The following WNT6 variants were observed in gnomAD, a reference collection of about 807,000 sequenced individuals.
The protein encoded by WNT6 is Wnt family member 6.
WNT6 carries 27 observed loss-of-function variants against 33.1 expected under a neutral mutation model. The ratio of observed to expected loss-of-function variants is 0.82; its 90% CI spans 0.60 to 1.12. The LOEUF is 1.12. WNT6 is among the 50% of genes most tolerant of loss of function. The probability of loss-of-function intolerance (pLI) is 0.00; values close to 1 mark genes in which losing one functional copy is unlikely to be tolerated. For synonymous variants in WNT6, 249 were observed against 242.8 expected (o/e 1.03, Z -0.24); for missense variants, 494 against 535.3 (o/e 0.92, Z 0.76).
chr2:218,874,057 TC>T lies in WNT6; in HGVS notation c.*213del. ...GCGCCAGACGGCCCCGAAAAGGCGC[TC>T]GGGGAGCGTTTAAAGGACACTGTAC... On this transcript the variant is annotated 3_prime_UTR_variant, in exon 4 of 4. Transcript: ENST00000233948. 1.8e-6 allele frequency: 1 copy of T among 561,574 alleles called. No individual in the cohort carries two copies. The highest frequency in any genetic ancestry group is 3.0e-6 in the Non-Finnish European group (1 of 334,870). The allele number at this position is 561,574 out of a possible 1,614,324, so 34.8% of individuals were successfully genotyped here.
intron 1 of WNT6, among the ~76,000 whole-genome samples, chr2:218,870,291 T>C (rs1013813656): frequency 6.6e-6 from 1 of 151,786 alleles, no homozygotes; most frequent in Admixed American, 6.6e-5. Flanking sequence ...TGTCACCTAC[T>C]TTCCAACAAT....
chr2:218,871,356 T>C lies in WNT6; in HGVS notation c.301+109T>C, dbSNP rs1325258352. On this transcript the variant is annotated intron_variant, in intron 2 of 3. Coordinates refer to ENST00000233948, the MANE Select transcript of WNT6 (RefSeq NM_006522.4). This position sits in a 1 kb window ranked among gnomAD's most constrained non-coding sequence, Gnocchi z 6.4. The stretch of plus-strand genomic sequence containing the variant: ...GCCTGAGCCCCACTTCCCCCTCACA[T>C]GTGTCTGGGCACCCTGCAAGGACCC... The C allele has an allele frequency of 1.1e-5, 16 of 1,480,110 alleles. No individual in the cohort carries two copies. In the Admixed American group the frequency reaches 1.9e-4, roughly 17 times the overall value. 91.7% of individuals were successfully genotyped at this position (1,480,110 alleles called of 1,614,324 possible). A position where few individuals can be genotyped will look rare whatever the true frequency, so the allele number is the denominator to read the frequency against.
chr2:218,864,360 A>T (rs1036179516), intron 1 of WNT6, among the ~76,000 whole-genome samples: 1 of 152,092 alleles, frequency 6.6e-6, no homozygotes, highest in Non-Finnish European at 1.5e-5. Context: ...CCCGGGTTCA[A>T]GTGATTCTCC....
Position 218,871,001 on chromosome 2 carries a change from CT to C in WNT6, c.81-25del, listed in dbSNP as rs774674359. ...CCAAGCCCTTTTTTGGGTTACACCC[CT>C]GACCTGCTATTCTCTGCTTTCCAGG... On this transcript the variant is annotated intron_variant, in intron 1 of 3. Coordinates refer to ENST00000233948, the MANE Select transcript of WNT6 (RefSeq NM_006522.4). The surrounding 1 kb of genome is among the most constrained non-coding windows in gnomAD (Gnocchi z 6.4). 21 of 1,575,446 alleles carry C rather than the reference CT, an allele frequency of 1.3e-5. No homozygotes were observed. Among genetic ancestry groups the C allele is most frequent in the Non-Finnish European group, 1.4e-5 (16 of 1,156,336 alleles).
At chr2:218,860,822 C>G (rs113789188) in intron 1 of WNT6, among the ~76,000 whole-genome samples, 32 of 146,766 alleles carry the variant, frequency 2.2e-4, no homozygotes, top group Non-Finnish European at 3.9e-4. Context: ...GGCGTCTTCC[C>G]AGGCTTGGCC....
chr2:218,864,248 T>TTTTTC (rs944455473), intron 1 of WNT6, among the ~76,000 whole-genome samples: 4 of 152,140 alleles, frequency 2.6e-5, no homozygotes, highest in South Asian at 2.1e-4. Context: ...TTCCTCTGTT[T>TTTTTC]TTTTCTTTTC....
chr2:218,874,145 C>G lies in WNT6; in HGVS notation c.*300C>G. The G allele has an allele frequency of 2.6e-6, 1 of 391,512 alleles. No individual in the cohort carries two copies. Among genetic ancestry groups the G allele is most frequent in the Non-Finnish European group, 4.5e-6 (1 of 223,718 alleles). The allele number at this position is 391,512 out of a possible 1,614,324, so 24.3% of individuals were successfully genotyped here. The stretch of plus-strand genomic sequence containing the variant: ...TTTTTTAGACTGGAAAAAAGCCAGT[C>G]TAAAGGCCTCTGGATACTGGGCTCC... On this transcript the variant is annotated 3_prime_UTR_variant, in exon 4 of 4. Transcript: ENST00000233948.
chr2:218,860,221 C>A, intron 1 of WNT6, 104 bp downstream of exon 1: 7 of 1,125,448 alleles, frequency 6.2e-6, no homozygotes, highest in Non-Finnish European at 8.1e-6. Flanking sequence ...TACCTGCTCT[C>A]CGAGCCCAGC....
rs1443183664 is a variant in WNT6, at chr2:218,873,633, C to T, written c.886C>T (p.Pro296Ser). The change falls in exon 4 of 4, where the codon CCC becomes TCC. Residue 296 changes from proline to serine, a missense_variant. By Grantham distance (74) the Pro-to-Ser change is moderately conservative. Transcript: ENST00000233948. This position sits in a 1 kb window ranked among gnomAD's most constrained non-coding sequence, Gnocchi z 6.1. ...YAADSPDFCA[P>S]NRRTGSPGTR... is the part of the protein sequence containing the mutation. ...CGCCGATTCGCCCGACTTCTGCGCC[C>T]CCAACCGACGCACCGGCTCCCCCGG... is the stretch of plus-strand genomic sequence containing the variant. The T allele has an allele frequency of 6.3e-7, 1 of 1,580,382 alleles. No individual in the cohort carries two copies. The highest frequency in any genetic ancestry group is 8.5e-7 in the Non-Finnish European group (1 of 1,170,538).
intron 1 of WNT6, among the ~76,000 whole-genome samples, chr2:218,861,778 C>T (rs1360312929): frequency 6.6e-6 from 1 of 152,156 alleles, no homozygotes; most frequent in African/African-American, 2.4e-5. Flanking sequence ...AATACCATTT[C>T]CTCCCTGAAG....
rs1280062996 is a variant in WNT6, at chr2:218,867,654, C to A, written c.81-3373C>A. Reference sequence around the variant, plus strand: ...TCCCAGATCCTATATATTGTGTATTCCCTACTACCACTGTGCTTCAGGCCC... The same window carrying A: ...TCCCAGATCCTATATATTGTGTATTACCTACTACCACTGTGCTTCAGGCCC... On this transcript the variant is annotated intron_variant, in intron 1 of 3. Coordinates refer to ENST00000233948, the MANE Select transcript of WNT6 (RefSeq NM_006522.4). This position sits in a 1 kb window ranked among gnomAD's most constrained non-coding sequence, Gnocchi z 4.9. 6.6e-6 allele frequency among the ~76,000 whole-genome samples: 1 copy of A among 152,150 alleles called. No homozygotes were observed. The highest frequency in any genetic ancestry group is 2.4e-5 in the African/African-American group (1 of 41,422).
intron 1 of WNT6, among the ~76,000 whole-genome samples, chr2:218,870,495 G>A (rs1404765080): frequency 1.3e-5 from 2 of 152,176 alleles, no homozygotes; most frequent in African/African-American, 4.8e-5. Flanking sequence ...AACATCTCGT[G>A]GCATTCTCTC....
chr2:218,871,307 G>C lies in WNT6; in HGVS notation c.301+60G>C. 6.4e-7 allele frequency: 1 copy of C among 1,554,472 alleles called. No individual in the cohort carries two copies. Among genetic ancestry groups the C allele is most frequent in the Non-Finnish European group, 8.7e-7 (1 of 1,143,276 alleles). On this transcript the variant is annotated intron_variant, in intron 2 of 3. Transcript: ENST00000233948. The surrounding 1 kb of genome is among the most constrained non-coding windows in gnomAD (Gnocchi z 6.4). ...TTCTCCCTGCTGTGGGACCCGAGGA[G>C]AGGAGAACTGGTTCGCTGAAGTTGC...
intron 1 of WNT6, among the ~76,000 whole-genome samples, chr2:218,862,910 G>A (rs1166017983): frequency 6.6e-6 from 1 of 151,812 alleles, no homozygotes; most frequent in Non-Finnish European, 1.5e-5. Flanking sequence ...TCACCATGTT[G>A]GTCAGGCTGG....
intron 1 of WNT6, among the ~76,000 whole-genome samples, chr2:218,869,601 T>G (rs908009040): frequency 6.6e-6 from 1 of 152,098 alleles, no homozygotes; most frequent in Non-Finnish European, 1.5e-5. Context: ...TTTTGGGTGG[T>G]CTCTAATTAC....
chr2:218,873,666 G>A lies in WNT6; in HGVS notation c.919G>A (p.Gly307Ser). 1.3e-6 allele frequency: 2 copies of A among 1,582,140 alleles called. No individual in the cohort carries two copies. The highest frequency in any genetic ancestry group is 8.5e-7 in the Non-Finnish European group (1 of 1,171,536). The change falls in exon 4 of 4, where the codon GGT becomes AGT. Residue 307 changes from glycine to serine, a missense_variant. Gly to Ser is a moderately conservative substitution (Grantham distance 56). Coordinates refer to ENST00000233948, the MANE Select transcript of WNT6 (RefSeq NM_006522.4). This position sits in a 1 kb window ranked among gnomAD's most constrained non-coding sequence, Gnocchi z 6.1. ...ACGCACCGGCTCCCCCGGCACGCGC[G>A]GTCGCGCCTGCAATAGCAGCGCCCC... is the stretch of plus-strand genomic sequence containing the variant. The part of the protein sequence containing the change: ...NRRTGSPGTR[G>S]RACNSSAPDL...
Position 218,873,109 on chromosome 2 carries a change from C to G in WNT6, c.637-275C>G, listed in dbSNP as rs1243329352. 6.6e-6 allele frequency among the ~76,000 whole-genome samples: 1 copy of G among 152,136 alleles called. No homozygotes were observed. Among genetic ancestry groups the G allele is most frequent in the Non-Finnish European group, 1.5e-5 (1 of 68,016 alleles). ...GTCCATTCTGCTTTCTCCCCCACCCCCTGCCTTTGGACCCTGGAATCTCTG... is the reference window on the plus strand; with the variant it reads ...GTCCATTCTGCTTTCTCCCCCACCCGCTGCCTTTGGACCCTGGAATCTCTG... On this transcript the variant is annotated intron_variant, in intron 3 of 3. Coordinates refer to ENST00000233948, the MANE Select transcript of WNT6 (RefSeq NM_006522.4). This position sits in a 1 kb window ranked among gnomAD's most constrained non-coding sequence, Gnocchi z 6.1.
chr2:218,869,880 C>A (rs1171490417), intron 1 of WNT6, among the ~76,000 whole-genome samples: 1 of 152,178 alleles, frequency 6.6e-6, no homozygotes, highest in Non-Finnish European at 1.5e-5. Flanking sequence ...AGTGATGTCA[C>A]CCTAATGCGC....
chr2:218,864,248 TTTTTC>T (rs944455473), intron 1 of WNT6, among the ~76,000 whole-genome samples: 1 of 152,140 alleles, frequency 6.6e-6, no homozygotes, highest in Non-Finnish European at 1.5e-5. Context: ...TTCCTCTGTT[TTTTTC>T]TTTTCTTTTC....
Sources: allele counts gnomAD v4.1 joint callset (sites outside exome capture counted in the v4.1 genomes callset), GRCh38; gene constraint gnomAD v4.1.1; non-coding constraint Gnocchi (gnomAD v3.1); transcripts MANE v1.5; gene names NCBI Gene and HGNC (gene_info 2026-07-23, HGNC 2026-07-21).